DPP10: variants seen among roughly 807,000 people sequenced by gnomAD.
The protein encoded by DPP10 is inactive dipeptidyl peptidase 10.
In DPP10, 33 loss-of-function variants were observed where a neutral mutation model predicts 120.9. The ratio of observed to expected loss-of-function variants is 0.27; its 90% CI spans 0.21 to 0.37. DPP10 has a LOEUF of 0.37. Among genes scored for constraint, DPP10 ranks in the 10% least tolerant of loss-of-function variants. The pLI, the probability that DPP10 is intolerant of heterozygous loss-of-function variation, is 1.00. For missense variants in DPP10, 816 were observed against 942.8 expected (o/e 0.87, Z 1.76); for synonymous variants, 337 against 326.1 (o/e 1.03, Z -0.36).
chr2:115,229,706 TATTCTATTC>T (rs2057636966), intron 1 of DPP10, among the ~76,000 whole-genome samples: 1 of 146,752 alleles, frequency 6.8e-6, no homozygotes, highest in Non-Finnish European at 1.5e-5. Flanking sequence ...TATTCTATTC[TATTCTATTC>T]TATTCTATTC....
chr2:115,351,834 C>A (rs946366957), intron 3 of DPP10, among the ~76,000 whole-genome samples: 1 of 151,838 alleles, frequency 6.6e-6, no homozygotes, highest in South Asian at 2.1e-4. Flanking sequence ...TGTGCTTTTA[C>A]CAAAGTTTAG....
chr2:114,485,198 A>G (rs926253858), intron 1 of DPP10, among the ~76,000 whole-genome samples: 9 of 152,280 alleles, frequency 5.9e-5, no homozygotes, highest in African/African-American at 2.2e-4. Flanking sequence ...GTCAAAAGAC[A>G]AAATTACAAC....
At chr2:114,534,245 T>C (rs1686297391) in intron 1 of DPP10, among the ~76,000 whole-genome samples, 1 of 152,176 alleles carries the variant, frequency 6.6e-6, no homozygotes, top group Non-Finnish European at 1.5e-5. Context: ...TGTTCCTTTT[T>C]TTGGTCTTCT....
chr2:115,239,216 C>T lies in DPP10; in HGVS notation c.61-70023C>T, dbSNP rs144841724. The stretch of plus-strand genomic sequence containing the variant: ...CTTGCATCCTTCAATCAAATTAAGT[C>T]GACACTCAATATTAACCATCCCATG... On this transcript the variant is annotated intron_variant, in intron 1 of 25. Coordinates refer to ENST00000410059, the MANE Select transcript of DPP10 (RefSeq NM_020868.6). Among the ~76,000 whole-genome samples, 1,516 of 152,124 alleles carry T rather than the reference C, an allele frequency of 1.0e-2. 11 individuals carry two copies. Among genetic ancestry groups the T allele is most frequent in the Non-Finnish European group, 0.015 (1,043 of 68,004 alleles).
chr2:114,975,296 G>A (rs1699680759), intron 1 of DPP10, among the ~76,000 whole-genome samples: 1 of 151,888 alleles, frequency 6.6e-6, no homozygotes, highest in Non-Finnish European at 1.5e-5. Flanking sequence ...CACTCACCTT[G>A]GCCTCCCAAA....
At chr2:114,811,321 C>T (rs766086345) in intron 1 of DPP10, among the ~76,000 whole-genome samples, 33 of 152,110 alleles carry the variant, frequency 2.2e-4, no homozygotes, top group African/African-American at 4.6e-4. Context: ...TGTCTGGGAA[C>T]GAAAGACTAG....
chr2:115,153,541 T>A (rs1240737694), intron 1 of DPP10, among the ~76,000 whole-genome samples: 1 of 152,218 alleles, frequency 6.6e-6, no homozygotes, highest in African/African-American at 2.4e-5. Context: ...GTTTACGGAT[T>A]TGCATAGGTA....
At chr2:114,944,680 G>C (rs1454152102) in intron 1 of DPP10, among the ~76,000 whole-genome samples, 1 of 152,132 alleles carries the variant, frequency 6.6e-6, no homozygotes, top group Non-Finnish European at 1.5e-5. Flanking sequence ...ATCACTGAAT[G>C]AGCGCTAAGG....
At chr2:115,824,632 C>G (rs1419302153) in intron 21 of DPP10, among the ~76,000 whole-genome samples, 2 of 152,158 alleles carry the variant, frequency 1.3e-5, no homozygotes, top group Admixed American at 1.3e-4. Flanking sequence ...TCATCAATGT[C>G]CCTGCCAAGA....
At chr2:115,340,888 T>C (rs2063410061) in intron 2 of DPP10, among the ~76,000 whole-genome samples, 1 of 152,074 alleles carries the variant, frequency 6.6e-6, no homozygotes, top group African/African-American at 2.4e-5. Flanking sequence ...TTGTATCAAA[T>C]AAGTCAATGT....
At chr2:115,836,304 A>G in intron 22 of DPP10, 48 bp downstream of exon 22, 1 of 1,536,594 alleles carries the variant, frequency 6.5e-7, no homozygotes, top group Non-Finnish European at 8.9e-7. Flanking sequence ...TGATTTGTAG[A>G]AAACGAAAGC....
At chr2:115,221,278 A>C (rs1240873233) in intron 1 of DPP10, among the ~76,000 whole-genome samples, 3 of 152,128 alleles carry the variant, frequency 2.0e-5, no homozygotes, top group Non-Finnish European at 4.4e-5. Context: ...TTAAATGAGA[A>C]TGTTCTCTTT....
At chr2:115,672,674 T>TCTCTCTC (rs1559010353) in intron 5 of DPP10, among the ~76,000 whole-genome samples, 1 of 125,990 alleles carries the variant, frequency 7.9e-6, no homozygotes, top group African/African-American at 3.1e-5. Context: ...CTTTCTCTCT[T>TCTCTCTC]TCTTTCTCTT....
chr2:115,815,076 C>T (rs1687080591), intron 20 of DPP10, 89 bp downstream of exon 20: 3 of 1,284,108 alleles, frequency 2.3e-6, no homozygotes, highest in South Asian at 2.6e-5. Context: ...TGACTCAAGG[C>T]TTCTATTTTA....
chr2:115,553,977 G>T (rs974605252), intron 5 of DPP10, among the ~76,000 whole-genome samples: 7 of 139,878 alleles, frequency 5.0e-5, no homozygotes, highest in Admixed American at 1.5e-4. Context: ...TCTAAGCTCC[G>T]ACACCTATCT....
chr2:115,518,725 A>T (rs1320672858), intron 4 of DPP10, among the ~76,000 whole-genome samples: 1 of 152,092 alleles, frequency 6.6e-6, no homozygotes, highest in Admixed American at 6.5e-5. Context: ...ACAAGAATGA[A>T]ATTAAGTAAC....
At chr2:115,561,074 T>G (rs10194608) in intron 5 of DPP10, among the ~76,000 whole-genome samples, 21,774 of 151,890 alleles carry the variant, frequency 0.14, 2,966 homozygotes, top group African/African-American at 0.35. Flanking sequence ...ACTGGCCAGG[T>G]GCAGTGGCTC....
intron 1 of DPP10, among the ~76,000 whole-genome samples, chr2:114,645,142 A>C (rs1231751556): frequency 6.6e-6 from 1 of 152,172 alleles, no homozygotes; most frequent in Non-Finnish European, 1.5e-5. Context: ...CAGATGTACT[A>C]ACCTGATTTT....
chr2:115,062,483 G>A (rs926466826), intron 1 of DPP10, among the ~76,000 whole-genome samples: 1 of 152,124 alleles, frequency 6.6e-6, no homozygotes, highest in African/African-American at 2.4e-5. Flanking sequence ...CATCACCTAG[G>A]TATTAAGCCC....
Sources: allele counts gnomAD v4.1 joint callset (sites outside exome capture counted in the v4.1 genomes callset), GRCh38; gene constraint gnomAD v4.1.1; transcripts MANE v1.5; gene names NCBI Gene and HGNC (gene_info 2026-07-23, HGNC 2026-07-21).